Variants in FNDC3B observed in about 807,000 individuals in gnomAD.
FNDC3B encodes the protein fibronectin type III domain-containing protein 3B.
FNDC3B carries 12 observed loss-of-function variants against 151.5 expected under a neutral mutation model. That is an observed-to-expected ratio of 0.08 (90% CI 0.05 to 0.13). The LOEUF is 0.13. Among genes scored for constraint, FNDC3B ranks in the 10% least tolerant of loss-of-function variants. The pLI, the probability that FNDC3B is intolerant of heterozygous loss-of-function variation, is 1.00. For missense variants in FNDC3B, 1,214 were observed against 1,505.3 expected, an observed-to-expected ratio of 0.81 and a Z score of 3.20; for synonymous variants, 528 against 549.0, an observed-to-expected ratio of 0.96 and a Z score of 0.54.
chr3:172,091,573 A>G (rs971013858), intron 1 of FNDC3B, among the ~76,000 whole-genome samples: 3 of 151,780 alleles, frequency 2.0e-5, no homozygotes, highest in Admixed American at 1.3e-4. Flanking sequence ...GCGTTTGTGT[A>G]TGTGTGTATG....
At chr3:172,166,497 C>G (rs1723010338) in intron 3 of FNDC3B, among the ~76,000 whole-genome samples, 1 of 152,258 alleles carries the variant, frequency 6.6e-6, no homozygotes, top group Admixed American at 6.5e-5. Context: ...TCTGCTTGTT[C>G]CAGCCTTGCT....
rs1299033441 is a variant in FNDC3B, at chr3:172,174,935, C to CT, written c.187+41389_187+41390insT. On this transcript the variant is annotated intron_variant, in intron 3 of 25. Transcript: ENST00000415807. ...ACTTTGGAGACCTTCCCCCCGCCAC[C>CT]CCCCCCCCCCCAATACAATTTGCTG... 2.0e-4 allele frequency among the ~76,000 whole-genome samples: 8 copies of CT among 40,086 alleles called. No individual in the cohort carries two copies. In the East Asian group the frequency reaches 4.0e-3, roughly 20 times the overall value. 26.3% of individuals were successfully genotyped at this position (40,086 alleles called of 152,430 possible). A position where few individuals can be genotyped will look rare whatever the true frequency, so the allele number is the denominator to read the frequency against.
intron 3 of FNDC3B, among the ~76,000 whole-genome samples, chr3:172,165,632 A>G (rs935924067): frequency 6.6e-6 from 1 of 152,228 alleles, no homozygotes; most frequent in South Asian, 2.1e-4. Context: ...TATACAGAGT[A>G]GAAGTGAGTT....
chr3:172,347,275 T>C lies in FNDC3B; in HGVS notation c.2428T>C (p.Ser810Pro), dbSNP rs373799780. The C allele has an allele frequency of 2.5e-6, 4 of 1,613,940 alleles. No individual in the cohort carries two copies. The highest frequency in any genetic ancestry group is 2.7e-5 in the African/African-American group (2 of 74,924). Reference protein sequence around the residue: ...YRLEWGEDEESLELIYHGTDT... With the variant: ...YRLEWGEDEEPLELIYHGTDT... ...GTTGGAATGGGGAGAAGATGAAGAA[T>C]CCTTAGAACTCATTTATCATGGGAC... is the stretch of plus-strand genomic sequence containing the variant. The change falls in exon 21 of 26, where the codon TCC (serine) becomes CCC (proline). Residue 810 changes from serine (S) to proline (P), a missense_variant. Around this residue, in one of 7 missense-constraint regions of FNDC3B, gnomAD observed 380 missense variants for 420.9 expected, o/e 0.90. Transcript: ENST00000415807.
intron 6 of FNDC3B, among the ~76,000 whole-genome samples, chr3:172,264,511 C>G (rs146289257): frequency 2.6e-4 from 39 of 152,178 alleles, no homozygotes; most frequent in African/African-American, 8.4e-4. Flanking sequence ...ATGTTTGTTT[C>G]TTGCATTTTT....
chr3:172,098,876 C>T (rs1349995806), intron 1 of FNDC3B, among the ~76,000 whole-genome samples: 1 of 152,160 alleles, frequency 6.6e-6, no homozygotes. Context: ...CAGAGGTGCT[C>T]TTTGCAAGGC....
intron 3 of FNDC3B, among the ~76,000 whole-genome samples, chr3:172,162,050 C>T (rs1177848254): frequency 8.1e-5 from 12 of 148,696 alleles, no homozygotes; most frequent in African/African-American, 1.5e-4. Context: ...GATCTCGGCT[C>T]ACTGCAACCT....
chr3:172,080,543 G>T (rs566333431), intron 1 of FNDC3B, among the ~76,000 whole-genome samples: 1 of 152,008 alleles, frequency 6.6e-6, no homozygotes, highest in Non-Finnish European at 1.5e-5. Flanking sequence ...CTCCCAAAGT[G>T]TTGGGATTAC....
chr3:172,363,750 C>T (rs1734475399), intron 23 of FNDC3B, among the ~76,000 whole-genome samples: 1 of 152,244 alleles, frequency 6.6e-6, no homozygotes, highest in Admixed American at 6.5e-5. Flanking sequence ...CCACCCCCTA[C>T]TCTGCAGTCA....
chr3:172,327,699 C>A (rs1022074044), intron 11 of FNDC3B, among the ~76,000 whole-genome samples: 1 of 152,166 alleles, frequency 6.6e-6, no homozygotes, highest in African/African-American at 2.4e-5. Context: ...CCACCGCGCC[C>A]GGCCAGTGTG....
At chr3:172,268,543 C>T (rs1185370821) in intron 6 of FNDC3B, among the ~76,000 whole-genome samples, 1 of 152,174 alleles carries the variant, frequency 6.6e-6, no homozygotes, top group African/African-American at 2.4e-5. Context: ...TACCATGACA[C>T]TCTGTACATG....
rs535895304 is a variant in FNDC3B at position 172,089,934 on chromosome 3, A to T, written c.-28-22518A>T. Among the ~76,000 whole-genome samples, 13 of 152,362 alleles carry T rather than the reference A, an allele frequency of 8.5e-5. No homozygotes were observed. In the East Asian group the frequency reaches 1.9e-3, roughly 23 times the overall value. ...CGTTAATGACAAATATGATTTCGAC[A>T]TATATAATTCATTTGTATCAGTGTT... On this transcript the variant is annotated intron_variant, in intron 1 of 25. Transcript: ENST00000415807.
chr3:172,164,613 G>A (rs1264692027), intron 3 of FNDC3B, among the ~76,000 whole-genome samples: 2 of 152,184 alleles, frequency 1.3e-5, no homozygotes, highest in Non-Finnish European at 2.9e-5. Flanking sequence ...TTATTTAAGT[G>A]CGAAGAAATG....
chr3:172,202,542 C>G (rs1009922788), intron 3 of FNDC3B, among the ~76,000 whole-genome samples: 1 of 152,152 alleles, frequency 6.6e-6, no homozygotes, highest in Non-Finnish European at 1.5e-5. Context: ...TCAACTAACA[C>G]CCCCTTGTAA....
chr3:172,097,504 A>C (rs1719149958), intron 1 of FNDC3B, among the ~76,000 whole-genome samples: 1 of 152,222 alleles, frequency 6.6e-6, no homozygotes, highest in African/African-American at 2.4e-5. Flanking sequence ...AAGTAAATTG[A>C]ATTATGTTTT....
chr3:172,268,465 C>T (rs1461479995), intron 6 of FNDC3B, among the ~76,000 whole-genome samples: 1 of 152,064 alleles, frequency 6.6e-6, no homozygotes, highest in Non-Finnish European at 1.5e-5. Context: ...TTTGGCCAGA[C>T]CTGAGAACTC....
intron 6 of FNDC3B, among the ~76,000 whole-genome samples, chr3:172,275,357 G>T (rs1651701366): frequency 6.6e-6 from 1 of 152,132 alleles, no homozygotes. Flanking sequence ...GTCATGTTTT[G>T]AACAACAAGG....
chr3:172,341,265 T>C (rs952326892), intron 17 of FNDC3B, 34 bp downstream of exon 17: 99 of 1,469,046 alleles, frequency 6.7e-5, no homozygotes, highest in Middle Eastern at 1.7e-4. Flanking sequence ...GTAAACCTCA[T>C]TGATCAAATT....
intron 17 of FNDC3B, among the ~76,000 whole-genome samples, chr3:172,342,498 G>A (rs902792893): frequency 2.6e-5 from 4 of 152,134 alleles, no homozygotes; most frequent in African/African-American, 9.7e-5. Flanking sequence ...CTAGCCTTAC[G>A]CAACCAGATC....
Sources: allele counts gnomAD v4.1 joint callset (sites outside exome capture counted in the v4.1 genomes callset), GRCh38; gene constraint gnomAD v4.1.1; regional missense constraint gnomAD v4.1.1; transcripts MANE v1.5; gene names NCBI Gene and HGNC (gene_info 2026-07-23, HGNC 2026-07-21).